ASCC3: variants seen among roughly 807,000 people sequenced by gnomAD.
ASCC3 encodes the protein ASC-1 complex subunit P200.
A neutral mutation model predicts 256.3 loss-of-function variants in ASCC3; 158 were observed. That is an observed-to-expected ratio of 0.62 (90% CI 0.54 to 0.70). The LOEUF is 0.70. Among genes scored for constraint, ASCC3 ranks in the 30% least tolerant of loss-of-function variants. The probability of loss-of-function intolerance (pLI) is 0.00; values close to 1 mark genes in which losing one functional copy is unlikely to be tolerated. For synonymous variants in ASCC3, 948 were observed against 883.4 expected, an observed-to-expected ratio of 1.07 and a Z score of -1.30; for missense variants, 2,259 against 2,626.0, an observed-to-expected ratio of 0.86 and a Z score of 3.05.
intron 19 of ASCC3, 87 bp downstream of exon 19, chr6:100,651,473 G>T: frequency 1.6e-6 from 1 of 622,132 alleles, no homozygotes; most frequent in Non-Finnish European, 2.7e-6. Context: ...GTGCCATACA[G>T]CTTATATGGT....
chr6:100,617,573 T>C (rs1359175091), intron 30 of ASCC3, among the ~76,000 whole-genome samples: 1 of 152,166 alleles, frequency 6.6e-6, no homozygotes, highest in South Asian at 2.1e-4. Flanking sequence ...CCCCCCTCAT[T>C]TGCTCCTCAG....
rs1303572688 is a variant in ASCC3 at position 100,818,926 on chromosome 6, T to C, written c.802-13046A>G. 2.0e-5 allele frequency among the ~76,000 whole-genome samples: 3 copies of C among 152,098 alleles called. No homozygotes were observed. In the East Asian group the frequency reaches 5.8e-4, roughly 29 times the overall value. On this transcript the variant is annotated intron_variant, in intron 4 of 41. Coordinates refer to ENST00000369162, the MANE Select transcript of ASCC3 (RefSeq NM_006828.4). The stretch of plus-strand genomic sequence containing the variant: ...GCAATGAAAAATCTGAAAATGTCCA[T>C]CAGTGATAGACTGGATTAAGAAAAT...
chr6:100,645,629 T>A (rs1341518855), intron 22 of ASCC3, among the ~76,000 whole-genome samples: 1 of 152,188 alleles, frequency 6.6e-6, no homozygotes, highest in East Asian at 1.9e-4. Flanking sequence ...ATGTAAGAAC[T>A]GAGCCTCACT....
chr6:100,582,870 T>C (rs1053895208), intron 36 of ASCC3, among the ~76,000 whole-genome samples: 2,406 of 152,220 alleles, frequency 0.016, 63 homozygotes, highest in African/African-American at 0.055. Context: ...TTTGGTTTTG[T>C]TTATATGCTG....
chr6:100,621,528 C>T (rs1773951230), intron 30 of ASCC3, among the ~76,000 whole-genome samples: 1 of 152,038 alleles, frequency 6.6e-6, no homozygotes, highest in South Asian at 2.1e-4. Context: ...CAAAGCAAAA[C>T]CATAGTGAGG....
intron 14 of ASCC3, among the ~76,000 whole-genome samples, chr6:100,671,264 T>A (rs1582668965): frequency 6.6e-6 from 1 of 152,058 alleles, no homozygotes; most frequent in Non-Finnish European, 1.5e-5. Context: ...TACTATAAGA[T>A]GCCTGCTGCT....
chr6:100,744,477 T>A (rs1336247), intron 10 of ASCC3, among the ~76,000 whole-genome samples: 143,145 of 152,258 alleles, frequency 0.94, 67,611 homozygotes, highest in South Asian at 0.99. Context: ...CTTGATAATA[T>A]AGGATAACAT....
intron 10 of ASCC3, among the ~76,000 whole-genome samples, chr6:100,757,264 A>G (rs1781221350): frequency 6.6e-6 from 1 of 152,014 alleles, no homozygotes; most frequent in Non-Finnish European, 1.5e-5. Flanking sequence ...ACACACACAC[A>G]CACACCACCA....
chr6:100,799,834 T>C (rs1383225513), intron 6 of ASCC3, among the ~76,000 whole-genome samples: 1 of 152,106 alleles, frequency 6.6e-6, no homozygotes, highest in Non-Finnish European at 1.5e-5. Flanking sequence ...TTTTCACAAT[T>C]CAAATGTTTA....
Position 100,725,585 on chromosome 6 carries a change from T to C in ASCC3, c.1856A>G (p.Asp619Gly). 8.7e-6 allele frequency: 14 copies of C among 1,612,878 alleles called. No individual in the cohort carries two copies. Among genetic ancestry groups the C allele is most frequent in the Non-Finnish European group, 1.2e-5 (14 of 1,179,170 alleles). ...TATGCTTTCTAATACTGGTCCTCTA[T>C]CTTCATGCAGCAAATGAACTTCATC... ...ILDEVHLLHE[D>G]RGPVLESIVA... Residue 619 changes from aspartate (D) to glycine (G), a missense_variant, in exon 11 of 42, where the codon GAT (aspartate) becomes GGT (glycine). Physicochemically the swap from Asp to Gly is moderately conservative, Grantham distance 94. This residue lies in a region of ASCC3 where 1,839 missense variants were observed against 2,206.7 expected (regional missense o/e 0.83). Coordinates refer to ENST00000369162, the MANE Select transcript of ASCC3 (RefSeq NM_006828.4).
chr6:100,788,284 T>G (rs370859611), intron 8 of ASCC3, among the ~76,000 whole-genome samples: 7 of 151,998 alleles, frequency 4.6e-5, no homozygotes, highest in East Asian at 3.9e-4. Context: ...CACAACTAAG[T>G]AAAATGTTTA....
intron 36 of ASCC3, among the ~76,000 whole-genome samples, chr6:100,557,568 G>A (rs1040986377): frequency 6.6e-6 from 1 of 151,976 alleles, no homozygotes; most frequent in African/African-American, 2.4e-5. Flanking sequence ...GCCACTGACT[G>A]ACATTAGTAT....
intron 25 of ASCC3, among the ~76,000 whole-genome samples, chr6:100,632,182 T>TAAAAAAAAAAAAAAAAAAAAAA (rs35229827): frequency 9.8e-6 from 1 of 102,016 alleles, no homozygotes; most frequent in Non-Finnish European, 2.0e-5. Flanking sequence ...GCAAACTATC[T>TAAAAAAAAAAAAAAAAAAAAAA]AAAAAAAAAA....
chr6:100,847,465 C>T (rs1422804562), intron 4 of ASCC3, among the ~76,000 whole-genome samples: 1 of 152,100 alleles, frequency 6.6e-6, no homozygotes, highest in African/African-American at 2.4e-5. Flanking sequence ...TCCTCCAATA[C>T]CTACTTAGCT....
At chr6:100,595,293 C>T (rs1394426425) in intron 34 of ASCC3, among the ~76,000 whole-genome samples, 1 of 145,530 alleles carries the variant, frequency 6.9e-6, no homozygotes, top group Non-Finnish European at 1.6e-5. Flanking sequence ...CGTTTTGAAA[C>T]AGCACATTGT....
chr6:100,664,242 C>T (rs1225979047), intron 14 of ASCC3, among the ~76,000 whole-genome samples: 2 of 152,060 alleles, frequency 1.3e-5, no homozygotes, highest in Non-Finnish European at 1.5e-5. Context: ...TTTCCCTACA[C>T]TTTTTACTTA....
chr6:100,555,050 AT>A lies in ASCC3; in HGVS notation c.5551-14664del, dbSNP rs536399747. ...AAAATAAAAGACTATTATAAATTGG[AT>A]TTACATGGTATTTATATTGACCAGA... On this transcript the variant is annotated intron_variant, in intron 36 of 41. Transcript: ENST00000369162. Among the ~76,000 whole-genome samples the A allele has an allele frequency of 5.9e-5, 9 of 152,166 alleles. No individual in the cohort carries two copies. The South Asian group carries it at 1.9e-3, about 32-fold the overall frequency.
intron 8 of ASCC3, among the ~76,000 whole-genome samples, chr6:100,793,306 GA>G (rs1051232640): frequency 6.6e-6 from 1 of 151,938 alleles, no homozygotes; most frequent in African/African-American, 2.4e-5. Context: ...GAAGCATCCA[GA>G]AAAATACTTC....
chr6:100,605,799 A>C, intron 32 of ASCC3, 99 bp from the exon 33 acceptor site: 1 of 1,322,528 alleles, frequency 7.6e-7, no homozygotes, highest in Non-Finnish European at 1.1e-6. Flanking sequence ...CAAATAACAA[A>C]AGAAATAGAA....
Sources: gnomAD v4.1 joint callset for allele counts (sites outside exome capture counted in the v4.1 genomes callset) on GRCh38, gnomAD v4.1.1 for gene constraint, gnomAD v4.1.1 regional missense constraint, MANE v1.5 for transcripts, NCBI Gene and HGNC (gene_info 2026-07-23, HGNC 2026-07-21) for gene names.